Variants in CCDC73 observed in about 807,000 individuals in gnomAD.
CCDC73 encodes coiled-coil domain-containing protein 73.
Under a neutral mutation model 116.5 loss-of-function variants are expected in CCDC73, and 95 were observed. The observed-to-expected ratio is 0.82, with a 90% CI of 0.69 to 0.97. CCDC73 has a LOEUF of 0.97. Among genes scored for constraint, CCDC73 ranks in the 50% least tolerant of loss-of-function variants. CCDC73 has a pLI of 0.00. For synonymous variants in CCDC73, 398 were observed against 401.3 expected (o/e 0.99, Z 0.10); for missense variants, 1,066 against 1,206.8 (o/e 0.88, Z 1.73).
At chr11:32,657,299 T>G (rs562524639) in intron 9 of CCDC73, among the ~76,000 whole-genome samples, 1 of 152,286 alleles carries the variant, frequency 6.6e-6, no homozygotes, top group African/African-American at 2.4e-5. Flanking sequence ...AAATATCACC[T>G]TTGGATATGT....
chr11:32,724,711 G>T (rs538476717), intron 2 of CCDC73, among the ~76,000 whole-genome samples: 12 of 152,140 alleles, frequency 7.9e-5, no homozygotes, highest in South Asian at 6.2e-4. Flanking sequence ...AATGGCAGAT[G>T]TAGGTTGAAC....
chr11:32,770,477 T>C (rs751494349), intron 1 of CCDC73, among the ~76,000 whole-genome samples: 7 of 152,066 alleles, frequency 4.6e-5, no homozygotes, highest in Non-Finnish European at 8.8e-5. Context: ...TATGTAACAA[T>C]ATATAAATAA....
intron 2 of CCDC73, among the ~76,000 whole-genome samples, chr11:32,755,108 G>A (rs1181804989): frequency 2.0e-5 from 3 of 147,436 alleles, no homozygotes; most frequent in East Asian, 2.0e-4. Flanking sequence ...GGCTGGCCTC[G>A]ATCTCCTGAC....
upstream of CCDC73, among the ~76,000 whole-genome samples, chr11:32,796,274 C>A (rs572919706): frequency 5.8e-4 from 88 of 152,332 alleles, no homozygotes; most frequent in Non-Finnish European, 1.0e-3. Context: ...CAGAATCTAG[C>A]ACAATGCCTG....
At chr11:32,626,835 A>C (rs1403757966) in intron 14 of CCDC73, among the ~76,000 whole-genome samples, 1 of 152,244 alleles carries the variant, frequency 6.6e-6, no homozygotes, top group African/African-American at 2.4e-5. Flanking sequence ...AAGCTGGATT[A>C]AAGACTTACA....
chr11:32,671,380 G>T (rs1383476256), intron 9 of CCDC73, among the ~76,000 whole-genome samples: 4 of 139,044 alleles, frequency 2.9e-5, no homozygotes, highest in Admixed American at 7.6e-5. Flanking sequence ...ACTAAGTTTG[G>T]TCTGTTTAAC....
intron 6 of CCDC73, among the ~76,000 whole-genome samples, chr11:32,692,140 G>A (rs1347904274): frequency 6.7e-6 from 1 of 148,932 alleles, no homozygotes; most frequent in Non-Finnish European, 1.5e-5. Context: ...TTAGCTTTGT[G>A]TTTTACATTT....
intron 2 of CCDC73, among the ~76,000 whole-genome samples, chr11:32,736,484 C>T (rs1381092763): frequency 9.2e-5 from 14 of 152,160 alleles, no homozygotes; most frequent in Admixed American, 2.6e-4. Context: ...TCAGTTAGAA[C>T]GGCGATCATC....
chr11:32,643,403 G>C (rs916926379), intron 12 of CCDC73, among the ~76,000 whole-genome samples: 1 of 152,036 alleles, frequency 6.6e-6, no homozygotes, highest in African/African-American at 2.4e-5. Flanking sequence ...GATATGTTCT[G>C]ATAATTCCAT....
At chr11:32,779,841 T>TGC in intron 1 of CCDC73, among the ~76,000 whole-genome samples, 1 of 152,334 alleles carries the variant, frequency 6.6e-6, no homozygotes, top group Admixed American at 6.5e-5. Context: ...GAAGAAGGTA[T>TGC]ACAGGTTAAT....
chr11:32,713,848 C>T (rs899372191), intron 3 of CCDC73, among the ~76,000 whole-genome samples: 1 of 152,020 alleles, frequency 6.6e-6, no homozygotes, highest in African/African-American at 2.4e-5. Context: ...GTCATTAGCA[C>T]TGTCTTGGTA....
In CCDC73 at chr11:32,611,488, C is replaced by A. The variant is rs1943549119; in HGVS notation, c.2897-223G>T. 2.0e-5 allele frequency among the ~76,000 whole-genome samples: 3 copies of A among 152,184 alleles called. No individual in the cohort carries two copies. In the South Asian group the frequency reaches 6.2e-4, roughly 32 times the overall value. On this transcript the variant is annotated intron_variant, in intron 16 of 17. Transcript: ENST00000335185. ...ATTGCTACTTTCTAAAACCTGATTA[C>A]TGTAATTCCACATTAAAAGCAGTGA...
At chr11:32,622,976 A>G (rs1426878898) in intron 14 of CCDC73, among the ~76,000 whole-genome samples, 1 of 152,016 alleles carries the variant, frequency 6.6e-6, no homozygotes, top group East Asian at 1.9e-4. Context: ...AATGGATGTA[A>G]TGTCCATTTT....
the CCDC73 span, among the ~76,000 whole-genome samples, chr11:32,814,816 A>C: frequency 1.3e-5 from 2 of 152,260 alleles, no homozygotes; most frequent in Non-Finnish European, 2.9e-5. Context: ...AAAAGGTAGT[A>C]TATCCAGAAA....
At chr11:32,656,776 C>T (rs547813936) in intron 9 of CCDC73, among the ~76,000 whole-genome samples, 248 of 152,242 alleles carry the variant, frequency 1.6e-3, no homozygotes, top group African/African-American at 5.7e-3. Flanking sequence ...CCTTTGCTGA[C>T]TAAATCAGTG....
the CCDC73 span, among the ~76,000 whole-genome samples, chr11:32,827,780 A>G: frequency 1.3e-5 from 2 of 152,224 alleles, no homozygotes; most frequent in Non-Finnish European, 2.9e-5. Context: ...ATTCTCAGAT[A>G]TAGGTCTCAG....
Position 32,653,224 on chromosome 11 carries a change from T to G in CCDC73, c.838A>C (p.Ile280Leu). ...ITHIQEEKQD[I>L]IISFQHMQQL... is the part of the protein sequence containing the mutation. ...TGCATATGTTGGAAAGAAATGATGA[T>G]ATCCTTTGAAAATACACAAATATAT... Residue 280 changes from isoleucine to leucine, a missense_variant, in exon 12 of 18, where the codon ATC (isoleucine) becomes CTC (leucine). Transcript: ENST00000335185. The G allele has an allele frequency of 6.3e-7, 1 of 1,597,104 alleles. No individual in the cohort carries two copies. The highest frequency in any genetic ancestry group is 8.6e-7 in the Non-Finnish European group (1 of 1,166,820).
intron 14 of CCDC73, among the ~76,000 whole-genome samples, chr11:32,630,109 T>C (rs1447545465): frequency 6.6e-6 from 1 of 152,146 alleles, no homozygotes; most frequent in Admixed American, 6.6e-5. Flanking sequence ...AAATAAATAA[T>C]ATATGGTAGG....
the CCDC73 span, among the ~76,000 whole-genome samples, chr11:32,829,178 A>G: frequency 3.9e-5 from 6 of 152,258 alleles, no homozygotes; most frequent in Non-Finnish European, 8.8e-5. Flanking sequence ...ATAAATCTAC[A>G]TAAATCTCTA....
Sources: gnomAD v4.1 joint callset for allele counts (sites outside exome capture counted in the v4.1 genomes callset) on GRCh38, gnomAD v4.1.1 for gene constraint, MANE v1.5 for transcripts, NCBI Gene and HGNC (gene_info 2026-07-23, HGNC 2026-07-21) for gene names.